The following NDUFS8 variants were observed in gnomAD, a reference collection of about 807,000 sequenced individuals.
NDUFS8 encodes the protein NADH dehydrogenase [ubiquinone] iron-sulfur protein 8, mitochondrial.
In NDUFS8, 13 loss-of-function variants were observed where a neutral mutation model predicts 25.6. That is an observed-to-expected ratio of 0.51 (90% CI 0.33 to 0.81). The LOEUF is 0.81. Ranked by LOEUF, NDUFS8 falls within the 30% of genes least tolerant of loss-of-function variation. The pLI, the probability that NDUFS8 is intolerant of heterozygous loss-of-function variation, is 0.02. For synonymous variants in NDUFS8, 119 were observed against 119.4 expected, an observed-to-expected ratio of 1.00 and a Z score of 0.02; for missense variants, 257 against 300.9, an observed-to-expected ratio of 0.85 and a Z score of 1.08.
Position 68,036,608 on chromosome 11 carries a change from G to A in NDUFS8, c.*15G>A, listed in dbSNP as rs776227703. 2.4e-5 allele frequency: 39 copies of A among 1,612,762 alleles called. No individual in the cohort carries two copies. Among genetic ancestry groups the A allele is most frequent in the African/African-American group, 2.0e-4 (15 of 74,912 alleles). ...TGTATCGGTGACGCCCCACCGGCCC[G>A]CAGCCCCTGCTGCCCAATAAAACCA... is the stretch of plus-strand genomic sequence containing the variant. On this transcript the variant is annotated 3_prime_UTR_variant, in exon 7 of 7. Coordinates refer to ENST00000313468, the MANE Select transcript of NDUFS8 (RefSeq NM_002496.4).
intron 1 of NDUFS8, 65 bp downstream of exon 1, chr11:68,030,798 G>T (rs1450739710): frequency 2.6e-6 from 1 of 381,858 alleles, no homozygotes; most frequent in African/African-American, 2.2e-5. Context: ...GGCGAGTGTG[G>T]TGTCCCCGTT....
At chr11:68,033,477 A>G (rs1007551989) in intron 5 of NDUFS8, 194 bp downstream of exon 5, 6 of 744,818 alleles carry the variant, frequency 8.1e-6, no homozygotes, top group African/African-American at 6.9e-5. Context: ...GTGAGTTGGC[A>G]GAGTGAAGCT....
At position 68,032,177 on chromosome 11, in the gene NDUFS8, T is replaced by C. The variant is rs1431452164; in HGVS notation, c.26T>C (p.Leu9Pro). Residue 9 changes from leucine (L) to proline (P), a missense_variant, in exon 2 of 7, where the codon CTG becomes CCG. By Grantham distance (98) the Leu-to-Pro change is moderately conservative (BLOSUM62 -3). Transcript: ENST00000313468. ...ATGCGCTGCCTGACCACGCCTATGC[T>C]GCTGCGGGCCCTGGCCCAGGCTGCA... MRCLTTPM[L>P]LRALAQAARA... 1 of 1,612,874 alleles carries C rather than the reference T, an allele frequency of 6.2e-7. No individual in the cohort carries two copies.
intron 5 of NDUFS8, chr11:68,033,744 G>A (rs1032864812): frequency 4.1e-6 from 1 of 246,788 alleles, no homozygotes; most frequent in Non-Finnish European, 8.2e-6. Context: ...GCCAGCACGG[G>A]AACAATATGA....
In NDUFS8 at chr11:68,033,006, T is replaced by C; in HGVS notation, c.193T>C (p.Phe65Leu). The C allele has an allele frequency of 1.2e-6, 2 of 1,613,764 alleles. No homozygotes were observed. The highest frequency in any genetic ancestry group is 2.2e-5 in the East Asian group (1 of 44,880). The change falls in exon 4 of 7, where the codon TTC (phenylalanine) becomes CTC (leucine). Residue 65 changes from phenylalanine to leucine, a missense_variant. Transcript: ENST00000313468. ...AARTLLWTELFRGLGMTLSYL... is the reference protein window; with the variant it reads ...AARTLLWTELLRGLGMTLSYL... ...CCGCACCCTGCTGTGGACTGAGCTC[T>C]TCCGAGGTGCGTCCTGGGCATGAGG...
chr11:68,032,954 C>T lies in NDUFS8; in HGVS notation c.141C>T (p.Asp47=). The change falls in exon 4 of 7, where the codon GAC becomes GAT. Residue 47 remains aspartate, a synonymous_variant. Coordinates refer to ENST00000313468, the MANE Select transcript of NDUFS8 (RefSeq NM_002496.4). ...KYVNMQDPEM[D]MKSVTDRAAR... ...TGAACATGCAGGATCCCGAGATGGA[C>T]ATGAAGTCAGTGACTGACCGGGCAG... The T allele has an allele frequency of 6.2e-7, 1 of 1,613,924 alleles. No homozygotes were observed. Among genetic ancestry groups the T allele is most frequent in the Non-Finnish European group, 8.5e-7 (1 of 1,179,994 alleles).
In NDUFS8 at chr11:68,032,459, T is replaced by C. The variant is rs2075626; in HGVS notation, c.109+123T>C. The stretch of plus-strand genomic sequence containing the variant: ...GTTCTTCTCTGAGCCTGTTTCCACT[T>C]TTAAAATGATTATGGTGATGGAGAC... On this transcript the variant is annotated intron_variant, in intron 3 of 6. Coordinates refer to ENST00000313468, the MANE Select transcript of NDUFS8 (RefSeq NM_002496.4). The C allele has an allele frequency of 0.22, 351,103 of 1,561,342 alleles. 40,627 individuals are homozygous for C. Among genetic ancestry groups the C allele is most frequent in the African/African-American group, 0.25 (18,636 of 73,640 alleles).
chr11:68,030,896 T>TCAGGGCGCCGGCC (rs58491259), intron 1 of NDUFS8, 163 bp downstream of exon 1: 89,355 of 441,046 alleles, frequency 0.2, 9,981 homozygotes, highest in African/African-American at 0.25. Context: ...GGGAGCCGGC[T>TCAGGGCGCCGGCC]CTCAGGGCGC....
At chr11:68,034,050 G>T (rs3115546) in intron 5 of NDUFS8, 144,138 of 154,696 alleles carry the variant, frequency 0.93, 67,930 homozygotes, top group East Asian at 1. Context: ...GACAGACCCG[G>T]TGCTGTGCCA....
rs3115545 is a variant in NDUFS8 at position 68,033,027 on chromosome 11, T to G, written c.199+15T>G. 1 allele frequency: 1,606,070 copies of G among 1,613,682 alleles called. 799,550 individuals carry two copies. The highest frequency in any genetic ancestry group is 1 in the East Asian group (44,867 of 44,868). ...GCTCTTCCGAGGTGCGTCCTGGGCATGAGGGGACAGGGAAGGTGCCGGGTG... is the reference window on the plus strand; with the variant it reads ...GCTCTTCCGAGGTGCGTCCTGGGCAGGAGGGGACAGGGAAGGTGCCGGGTG... On this transcript the variant is annotated intron_variant, in intron 4 of 6. Transcript: ENST00000313468.
intron 5 of NDUFS8, chr11:68,035,587 T>C (rs1383945081): frequency 3.4e-6 from 1 of 294,482 alleles, no homozygotes; most frequent in Non-Finnish European, 7.1e-6. Flanking sequence ...CTGGAAAGCT[T>C]GGTGAGGCGA....
chr11:68,036,533 C>T lies in NDUFS8; in HGVS notation c.573C>T (p.Asn191=), dbSNP rs369364877. Residue 191 remains asparagine (N), a synonymous_variant, in exon 7 of 7, where the codon AAC becomes AAT. Coordinates refer to ENST00000313468, the MANE Select transcript of NDUFS8 (RefSeq NM_002496.4). ...LLYNKEKLLN[N]GDKWEAEIAA... is the part of the protein sequence containing the mutation. ...ACAACAAGGAGAAGTTGCTCAACAA[C>T]GGGGACAAGTGGGAGGCCGAGATCG... The T allele has an allele frequency of 2.5e-4, 403 of 1,614,114 alleles. No homozygotes were observed. The highest frequency in any genetic ancestry group is 1.6e-3 in the Admixed American group (99 of 60,022).
chr11:68,032,381 C>A (rs1044974378), intron 3 of NDUFS8, 45 bp downstream of exon 3: 28 of 1,612,358 alleles, frequency 1.7e-5, no homozygotes, highest in Non-Finnish European at 2.3e-5. Flanking sequence ...CCTGACTGGT[C>A]CTGCTGGAGT....
Position 68,033,030 on chromosome 11 carries a change from G to C in NDUFS8, c.199+18G>C. On this transcript the variant is annotated intron_variant, in intron 4 of 6. Coordinates refer to ENST00000313468, the MANE Select transcript of NDUFS8 (RefSeq NM_002496.4). ...CTTCCGAGGTGCGTCCTGGGCATGAGGGGACAGGGAAGGTGCCGGGTGGGC... is the reference window on the plus strand; with the variant it reads ...CTTCCGAGGTGCGTCCTGGGCATGACGGGACAGGGAAGGTGCCGGGTGGGC... The C allele has an allele frequency of 6.2e-7, 1 of 1,613,556 alleles. No homozygotes were observed.
intron 5 of NDUFS8, chr11:68,035,650 G>A (rs1854870966): frequency 2.2e-6 from 1 of 454,326 alleles, no homozygotes; most frequent in African/African-American, 2.0e-5. Flanking sequence ...AGGGCAGCGG[G>A]TGCTACACTG....
chr11:68,033,594 C>G (rs1310239333), intron 5 of NDUFS8: 14 of 457,544 alleles, frequency 3.1e-5, no homozygotes, highest in Non-Finnish European at 5.2e-5. Context: ...AGGCCATCCA[C>G]GCCTCCCTGG....
At position 68,032,913 on chromosome 11, in the gene NDUFS8, C is replaced by T. The variant is rs748460607; in HGVS notation, c.110-10C>T. 4 of 1,613,588 alleles carry T rather than the reference C, an allele frequency of 2.5e-6. No homozygotes were observed. The highest frequency in any genetic ancestry group is 4.5e-5 in the East Asian group (2 of 44,894). ...CTCTTGCCATGGCCTCCCTGCCCGCCTCTCTGCAGAGTATGTGAACATGCA... is the reference window on the plus strand; with the variant it reads ...CTCTTGCCATGGCCTCCCTGCCCGCTTCTCTGCAGAGTATGTGAACATGCA... On this transcript the variant is annotated splice_polypyrimidine_tract_variant and intron_variant, in intron 3 of 6. Transcript: ENST00000313468.
In NDUFS8 at chr11:68,033,042, G is replaced by C. The variant is rs369415975; in HGVS notation, c.199+30G>C. On this transcript the variant is annotated intron_variant, in intron 4 of 6. Transcript: ENST00000313468. ...GTCCTGGGCATGAGGGGACAGGGAAGGTGCCGGGTGGGCACGGATGCATGG... is the reference window on the plus strand; with the variant it reads ...GTCCTGGGCATGAGGGGACAGGGAACGTGCCGGGTGGGCACGGATGCATGG... 631 of 1,613,466 alleles carry C rather than the reference G, an allele frequency of 3.9e-4. 2 individuals are homozygous for C. The highest frequency in any genetic ancestry group is 1.4e-3 in the Admixed American group (84 of 60,020).
At chr11:68,036,042 AC>A (rs1554992144) in intron 5 of NDUFS8, 7 of 549,384 alleles carry the variant, frequency 1.3e-5, no homozygotes, top group Middle Eastern at 5.2e-4. Flanking sequence ...AAAAAAAAAA[AC>A]CAGCAAGGCA....
Sources: gnomAD v4.1 joint callset for allele counts on GRCh38, gnomAD v4.1.1 for gene constraint, MANE v1.5 for transcripts, NCBI Gene and HGNC (gene_info 2026-07-23, HGNC 2026-07-21) for gene names.